The following KIFC3 variants were observed in gnomAD, a reference collection of about 807,000 sequenced individuals.
The protein encoded by KIFC3 is kinesin-like protein KIFC3.
Under a neutral mutation model 101.8 loss-of-function variants are expected in KIFC3, and 60 were observed. The observed-to-expected ratio is 0.59, with a 90% CI of 0.48 to 0.73. KIFC3 has a LOEUF of 0.73. Ranked by LOEUF, KIFC3 falls within the 30% of genes least tolerant of loss-of-function variation. The pLI, the probability that KIFC3 is intolerant of heterozygous loss-of-function variation, is 0.00. For synonymous variants in KIFC3, 476 were observed against 482.7 expected (o/e 0.99, Z 0.18); for missense variants, 966 against 1,137.1 (o/e 0.85, Z 2.16).
Position 57,795,616 on chromosome 16 carries a change from C to T in KIFC3, c.173-475G>A, listed in dbSNP as rs79845139. On this transcript the variant is annotated intron_variant, in intron 2 of 19. Coordinates refer to ENST00000445690, the MANE Select transcript of KIFC3 (RefSeq NM_001130100.2). ...GCCCAGCCTCCGTTGCCTCCCCAAG[C>T]GTATTCAGAACCAGCTAACGTGCAT... Among the ~76,000 whole-genome samples, 81 of 152,324 alleles carry T rather than the reference C, an allele frequency of 5.3e-4. No homozygotes were observed. The East Asian group carries it at 0.015, about 28-fold the overall frequency.
chr16:57,810,225 G>A (rs1008949427), intron 1 of KIFC3, among the ~76,000 whole-genome samples: 1 of 152,246 alleles, frequency 6.6e-6, no homozygotes, highest in Non-Finnish European at 1.5e-5. Flanking sequence ...GGGGAGATGG[G>A]GACAGGGGCC....
intron 1 of KIFC3, chr16:57,813,890 A>G (rs2055153974): frequency 1.0e-6 from 1 of 983,918 alleles, no homozygotes; most frequent in Non-Finnish European, 1.2e-6. Flanking sequence ...AGGTAGGCAG[A>G]GGTGAAGGGA....
chr16:57,762,307 T>G, intron 12 of KIFC3, 37 bp from the exon 13 acceptor site: 1 of 1,493,326 alleles, frequency 6.7e-7, no homozygotes, highest in Non-Finnish European at 9.0e-7. Flanking sequence ...AAGCCAGGCC[T>G]GTCCCCAAAG....
intron 1 of KIFC3, chr16:57,817,077 G>C (rs917868123): frequency 3.5e-6 from 1 of 282,072 alleles, no homozygotes; most frequent in African/African-American, 2.2e-5. Context: ...GTATTCTCTC[G>C]GCCAGGCGTG....
chr16:57,787,589 T>C (rs2053463250), intron 3 of KIFC3, among the ~76,000 whole-genome samples: 1 of 152,296 alleles, frequency 6.6e-6, no homozygotes, highest in South Asian at 2.1e-4. Flanking sequence ...CTGGGGAGGC[T>C]GCACTCGGGG....
chr16:57,816,520 C>A (rs782106325), intron 1 of KIFC3: 11 of 456,706 alleles, frequency 2.4e-5, no homozygotes, highest in Admixed American at 2.3e-4. Flanking sequence ...TCCTTGTCTG[C>A]GCCTTACAAA....
intron 1 of KIFC3, among the ~76,000 whole-genome samples, chr16:57,831,160 G>C (rs1255900294): frequency 6.6e-6 from 1 of 152,186 alleles, no homozygotes; most frequent in Non-Finnish European, 1.5e-5. Context: ...ATTCAGGTGA[G>C]CAGGGCTGTT....
chr16:57,765,684 G>A, intron 10 of KIFC3, 44 bp from the exon 11 acceptor site: 3 of 1,552,294 alleles, frequency 1.9e-6, no homozygotes, highest in Non-Finnish European at 2.6e-6. Flanking sequence ...GCCATGTCAA[G>A]ACCAGTCTCC....
chr16:57,842,703 C>A lies in KIFC3; in HGVS notation c.108+20026G>T, dbSNP rs556965477. On this transcript the variant is annotated intron_variant, in intron 1 of 2. Coordinates refer to the KIFC3 transcript ENST00000563028. The stretch of plus-strand genomic sequence containing the variant: ...CTTATTATAACATCCTAATAATAGC[C>A]CATTATTCTCATTTTAACAGGTCCA... Among the ~76,000 whole-genome samples, 261 of 152,088 alleles carry A rather than the reference C, an allele frequency of 1.7e-3. 1 individual carries two copies. The highest frequency in any genetic ancestry group is 3.3e-3 in the African/African-American group (138 of 41,392).
At chr16:57,774,974 A>T in intron 3 of KIFC3, 1 of 1,533,470 alleles carries the variant, frequency 6.5e-7, no homozygotes. Context: ...GGCTGGGCGC[A>T]CTAACCTTGA....
At chr16:57,812,963 C>T (rs1380375171) in intron 1 of KIFC3, among the ~76,000 whole-genome samples, 1 of 152,172 alleles carries the variant, frequency 6.6e-6, no homozygotes, top group East Asian at 1.9e-4. Context: ...GGATCCATCA[C>T]GAGGGCTAAA....
chr16:57,760,634 G>T, intron 16 of KIFC3, 92 bp downstream of exon 16: 1 of 1,218,398 alleles, frequency 8.2e-7, no homozygotes. Flanking sequence ...GGGGCGGGGA[G>T]GTCCATTTGC....
intron 1 of KIFC3, chr16:57,817,096 C>T (rs2055245019): frequency 1.5e-5 from 4 of 267,160 alleles, no homozygotes; most frequent in Admixed American, 5.1e-5. Context: ...TGGTGGCTCA[C>T]GCCTGTAATC....
upstream of KIFC3, among the ~76,000 whole-genome samples, chr16:57,807,384 A>G (rs934764486): frequency 6.6e-6 from 1 of 152,160 alleles, no homozygotes; most frequent in African/African-American, 2.4e-5. Flanking sequence ...CACAAGGCTC[A>G]CAGCTGCAAG....
chr16:57,777,644 C>T (rs1432736963), intron 3 of KIFC3, among the ~76,000 whole-genome samples: 1 of 151,994 alleles, frequency 6.6e-6, no homozygotes, highest in Non-Finnish European at 1.5e-5. Flanking sequence ...TCGCTTGAAC[C>T]CGAGAGGCAG....
chr16:57,764,153 T>A lies in KIFC3; in HGVS notation c.1607A>T (p.Tyr536Phe). Residue 536 changes from tyrosine (Y) to phenylalanine (F), a missense_variant, in exon 12 of 20, where the codon TAC becomes TTC. This residue lies in a region of KIFC3 where 689 missense variants were observed against 884.6 expected (regional missense o/e 0.78). Transcript: ENST00000445690. ...TTGGGCAGCACCCACCTCCATCGTG[T>A]ACGTCTTGCCGGCGCCCGTCTGGCC... The part of the protein sequence containing the change: ...AYGQTGAGKT[Y>F]TMEGTAENPG... 1.2e-6 allele frequency: 2 copies of A among 1,612,376 alleles called. No homozygotes were observed. Among genetic ancestry groups the A allele is most frequent in the Non-Finnish European group, 1.7e-6 (2 of 1,179,542 alleles).
upstream of KIFC3, among the ~76,000 whole-genome samples, chr16:57,803,576 C>T (rs1370750862): frequency 6.6e-6 from 1 of 152,238 alleles, no homozygotes; most frequent in Non-Finnish European, 1.5e-5. Flanking sequence ...CCTGCTGCCG[C>T]CCAGGCGCTG....
chr16:57,795,254 G>T, intron 2 of KIFC3, 113 bp from the exon 3 acceptor site: 1 of 1,305,350 alleles, frequency 7.7e-7, no homozygotes, highest in Admixed American at 2.9e-5. Context: ...ATCCCTGGCT[G>T]GTCCAGATGT....
intron 3 of KIFC3, chr16:57,775,950 G>A: frequency 2.0e-6 from 2 of 985,502 alleles, no homozygotes; most frequent in Non-Finnish European, 2.4e-6. Context: ...CCTGCTCAAG[G>A]GGAAGAGGGA....
Sources: gnomAD v4.1 joint callset for allele counts (sites outside exome capture counted in the v4.1 genomes callset) on GRCh38, gnomAD v4.1.1 for gene constraint, gnomAD v4.1.1 regional missense constraint, MANE v1.5 for transcripts, NCBI Gene and HGNC (gene_info 2026-07-23, HGNC 2026-07-21) for gene names.